The following DGKI variants were observed in gnomAD, a reference collection of about 807,000 sequenced individuals.
DGKI encodes diacylglycerol kinase iota.
Under a neutral mutation model 147.5 loss-of-function variants are expected in DGKI, and 55 were observed. The ratio of observed to expected loss-of-function variants is 0.37; its 90% confidence interval spans 0.30 to 0.47. The LOEUF is 0.47. Ranked by LOEUF, DGKI falls within the 20% of genes least tolerant of loss-of-function variation. The pLI, the probability that DGKI is intolerant of heterozygous loss-of-function variation, is 1.00. For synonymous variants in DGKI, 469 were observed against 477.1 expected (o/e 0.98, Z 0.22); for missense variants, 1,007 against 1,323.8 (o/e 0.76, Z 3.71).
chr7:137,761,127 T>C (rs1585456713), intron 1 of DGKI, among the ~76,000 whole-genome samples: 1 of 152,170 alleles, frequency 6.6e-6, no homozygotes, highest in African/African-American at 2.4e-5. Flanking sequence ...TTTCTGTCTG[T>C]TTCTTTGTTT....
intron 19 of DGKI, among the ~76,000 whole-genome samples, chr7:137,564,755 T>C (rs536719676): frequency 6.6e-6 from 1 of 152,362 alleles, no homozygotes; most frequent in Non-Finnish European, 1.5e-5. Flanking sequence ...TATTTAAACA[T>C]CATTTATGTC....
At chr7:137,676,875 C>T (rs961200944) in intron 3 of DGKI, among the ~76,000 whole-genome samples, 5 of 151,998 alleles carry the variant, frequency 3.3e-5, no homozygotes, top group Non-Finnish European at 5.9e-5. Context: ...GTAGCCATCC[C>T]CTAAAAAGTA....
At chr7:137,475,080 C>T (rs559379989) in intron 23 of DGKI, among the ~76,000 whole-genome samples, 1 of 152,258 alleles carries the variant, frequency 6.6e-6, no homozygotes, top group South Asian at 2.1e-4. Flanking sequence ...TTACCTAAAA[C>T]AATTCTGCCC....
chr7:137,810,081 G>C (rs1797516848), intron 1 of DGKI, among the ~76,000 whole-genome samples: 1 of 152,168 alleles, frequency 6.6e-6, no homozygotes, highest in South Asian at 2.1e-4. Context: ...GAGGTCCCCT[G>C]TGCTGCTGTC....
At chr7:137,639,574 G>C (rs563819622) in intron 6 of DGKI, among the ~76,000 whole-genome samples, 2 of 152,130 alleles carry the variant, frequency 1.3e-5, no homozygotes, top group Non-Finnish European at 2.9e-5. Context: ...TGAGGTTTGG[G>C]CCTCTGCTCC....
At chr7:137,560,376 A>C (rs929894212) in intron 19 of DGKI, among the ~76,000 whole-genome samples, 2 of 152,210 alleles carry the variant, frequency 1.3e-5, no homozygotes, top group Non-Finnish European at 2.9e-5. Flanking sequence ...GAAAGGGAGA[A>C]TTGAGCATAA....
intron 1 of DGKI, among the ~76,000 whole-genome samples, chr7:137,711,300 A>G (rs1794204971): frequency 6.6e-6 from 1 of 152,244 alleles, no homozygotes; most frequent in Non-Finnish European, 1.5e-5. Context: ...TAGTTAAAAT[A>G]TCATATCAGC....
chr7:137,588,076 C>T (rs1819472261), intron 12 of DGKI, among the ~76,000 whole-genome samples: 2 of 152,166 alleles, frequency 1.3e-5, no homozygotes, highest in African/African-American at 4.8e-5. Context: ...ACATAGATTT[C>T]TGTCCTATAG....
At chr7:137,480,839 C>T (rs1002605340) in intron 23 of DGKI, among the ~76,000 whole-genome samples, 10 of 152,080 alleles carry the variant, frequency 6.6e-5, no homozygotes, top group Non-Finnish European at 1.3e-4. Flanking sequence ...TAAAGAATCA[C>T]CCTGGGGAAA....
At chr7:137,630,629 C>T (rs1821095133) in intron 6 of DGKI, among the ~76,000 whole-genome samples, 1 of 152,180 alleles carries the variant, frequency 6.6e-6, no homozygotes. Context: ...GAGATAGACA[C>T]CTATAACAAT....
At chr7:137,447,462 G>A (rs1301816125) in intron 27 of DGKI, among the ~76,000 whole-genome samples, 1 of 152,180 alleles carries the variant, frequency 6.6e-6, no homozygotes, top group African/African-American at 2.4e-5. Flanking sequence ...TGTGAAAGAA[G>A]GCTTAGAAAA....
At chr7:137,706,314 G>T (rs977801098) in intron 1 of DGKI, among the ~76,000 whole-genome samples, 5 of 151,246 alleles carry the variant, frequency 3.3e-5, no homozygotes, top group African/African-American at 1.2e-4. Flanking sequence ...TGTTCTCTAG[G>T]TACATTAAAA....
At chr7:137,664,812 G>C (rs1822577568) in intron 3 of DGKI, among the ~76,000 whole-genome samples, 1 of 152,066 alleles carries the variant, frequency 6.6e-6, no homozygotes, top group Non-Finnish European at 1.5e-5. Context: ...AGAGAGATTA[G>C]TATATAATAT....
chr7:137,770,034 C>T lies in DGKI; in HGVS notation c.401+76428G>A, dbSNP rs142243428. ...AAGACACATGCGTATGTATGTTTAC[C>T]GCAGCACTATTTACAATAGCAAAGA... On this transcript the variant is annotated intron_variant, in intron 1 of 32. Transcript: ENST00000614521. 3.0e-3 allele frequency among the ~76,000 whole-genome samples: 457 copies of T among 152,222 alleles called. 3 individuals are homozygous for T. The highest frequency in any genetic ancestry group is 0.01 in the African/African-American group (432 of 41,522).
At chr7:137,404,049 T>C (rs1315621837) in intron 30 of DGKI, among the ~76,000 whole-genome samples, 1 of 152,174 alleles carries the variant, frequency 6.6e-6, no homozygotes, top group Non-Finnish European at 1.5e-5. Context: ...AGAGAGTATT[T>C]CAATCAAGAG....
intron 5 of DGKI, among the ~76,000 whole-genome samples, chr7:137,652,130 T>C (rs2129010900): frequency 6.6e-6 from 1 of 152,298 alleles, no homozygotes; most frequent in Non-Finnish European, 1.5e-5. Flanking sequence ...TTTGGGTTTT[T>C]TTAAAGATAG....
At chr7:137,680,138 G>T (rs1042531598) in intron 2 of DGKI, among the ~76,000 whole-genome samples, 1 of 152,100 alleles carries the variant, frequency 6.6e-6, no homozygotes, top group Non-Finnish European at 1.5e-5. Flanking sequence ...AGACACATGG[G>T]AGATTCCCCT....
intron 28 of DGKI, among the ~76,000 whole-genome samples, chr7:137,415,024 G>A (rs906263578): frequency 6.6e-6 from 1 of 152,110 alleles, no homozygotes; most frequent in Non-Finnish European, 1.5e-5. Flanking sequence ...AAGACATATG[G>A]ACCTTCAGAA....
At chr7:137,622,819 G>C (rs907281011) in intron 7 of DGKI, among the ~76,000 whole-genome samples, 2 of 152,110 alleles carry the variant, frequency 1.3e-5, no homozygotes, top group Non-Finnish European at 1.5e-5. Flanking sequence ...TACAGACCGA[G>C]GAATTACGCT....
Sources: allele counts gnomAD v4.1 joint callset (sites outside exome capture counted in the v4.1 genomes callset), GRCh38; gene constraint gnomAD v4.1.1; transcripts MANE v1.5; gene names NCBI Gene and HGNC (gene_info 2026-07-23, HGNC 2026-07-21).